Variants in TRIM32 observed in about 807,000 individuals in gnomAD.
The protein encoded by TRIM32 is E3 ubiquitin-protein ligase TRIM32.
A neutral mutation model predicts 36.0 loss-of-function variants in TRIM32; 19 were observed. That is an observed-to-expected ratio of 0.53 (90% CI 0.37 to 0.77). The LOEUF (loss-of-function observed/expected upper bound fraction) is 0.77. Among genes scored for constraint, TRIM32 ranks in the 30% least tolerant of loss-of-function variants. TRIM32 has a pLI of 0.00. For missense variants in TRIM32, 747 were observed against 845.2 expected (o/e 0.88, Z 1.44); for synonymous variants, 309 against 318.5 (o/e 0.97, Z 0.32).
chr9:116,694,479 T>TTTTTG (rs1860735960), intron 1 of TRIM32, among the ~76,000 whole-genome samples: 1 of 145,006 alleles, frequency 6.9e-6, no homozygotes, highest in African/African-American at 2.7e-5. Context: ...TTTTTTTTTT[T>TTTTTG]GAGATGGAGT....
At chr9:116,696,169 A>G (rs1346299530) in intron 1 of TRIM32, among the ~76,000 whole-genome samples, 1 of 152,062 alleles carries the variant, frequency 6.6e-6, no homozygotes, top group Non-Finnish European at 1.5e-5. Context: ...ACGCTCAAAA[A>G]TCTCATTTTG....
At chr9:116,688,642 C>CG (rs35041669) in intron 1 of TRIM32, among the ~76,000 whole-genome samples, 24,950 of 152,126 alleles carry the variant, frequency 0.16, 2,475 homozygotes, top group Non-Finnish European at 0.23. Flanking sequence ...ACCGGTCCCC[C>CG]GGCCCACTGA....
Position 116,698,597 on chromosome 9 carries a change from T to A in TRIM32, c.855T>A (p.His285Gln), listed in dbSNP as rs1290656615. The A allele has an allele frequency of 6.2e-7, 1 of 1,613,974 alleles. No homozygotes were observed. The highest frequency in any genetic ancestry group is 1.3e-5 in the African/African-American group (1 of 74,942). ...LQDVELLKVG[H>Q]VGPLQIGQAV... ...ATGTGGAGCTCCTTAAGGTAGGTCA[T>A]GTTGGCCCCCTCCAAATTGGACAAG... The change falls in exon 2 of 2, where the codon CAT becomes CAA. Residue 285 changes from histidine to glutamine, a missense_variant. Physicochemically the swap from His to Gln is conservative, Grantham distance 24 (BLOSUM62 0). Coordinates refer to ENST00000450136, the MANE Select transcript of TRIM32 (RefSeq NM_012210.4). This position sits in a 1 kb window ranked among gnomAD's most constrained non-coding sequence, Gnocchi z 4.4.
intron 1 of TRIM32, among the ~76,000 whole-genome samples, chr9:116,688,586 G>A (rs948954927): frequency 2.2e-4 from 33 of 152,134 alleles, no homozygotes; most frequent in African/African-American, 7.7e-4. Flanking sequence ...ACAAAGATCC[G>A]TTATCATGAG....
chr9:116,689,914 A>C (rs1343621424), intron 1 of TRIM32, among the ~76,000 whole-genome samples: 1 of 152,190 alleles, frequency 6.6e-6, no homozygotes, highest in Non-Finnish European at 1.5e-5. Flanking sequence ...GGCTGAAGGC[A>C]GTCATACTCT....
chr9:116,698,430 A>G lies in TRIM32; in HGVS notation c.688A>G (p.Ile230Val), dbSNP rs139113969. Residue 230 changes from isoleucine to valine, a missense_variant, in exon 2 of 2, where the codon ATT (isoleucine) becomes GTT (valine). Ile to Val is a conservative substitution (Grantham distance 29, BLOSUM62 3). Transcript: ENST00000450136. The surrounding 1 kb of genome is among the most constrained non-coding windows in gnomAD (Gnocchi z 4.4). ...AGAGGAGCAGAGTTACCTGCTTAAC[A>G]TTGCAGAGGTGCAGGCTGTGTCTCG... ...VVEEQSYLLN[I>V]AEVQAVSRCD... is the part of the protein sequence containing the mutation. 34 of 1,614,086 alleles carry G rather than the reference A, an allele frequency of 2.1e-5. No individual in the cohort carries two copies. The highest frequency in any genetic ancestry group is 3.3e-4 in the Middle Eastern group (2 of 6,046).
rs1228615020 is a variant in TRIM32, at chr9:116,698,568, C to T, written c.826C>T (p.Gln276Ter). 6.2e-7 allele frequency: 1 copy of T among 1,613,876 alleles called. No individual in the cohort carries two copies. Among genetic ancestry groups the T allele is most frequent in the African/African-American group, 1.3e-5 (1 of 74,912 alleles). The part of the protein sequence containing the change: ...TASLPRELTL[Q>*]DVELLKVGHV... ...CAGCTTGCCTCGGGAGCTCACCCTG[C>T]AAGATGTGGAGCTCCTTAAGGTAGG... Residue 276 changes from glutamine to a stop codon, truncating the protein, a stop_gained, in exon 2 of 2, where the codon CAA becomes TAA. Transcript: ENST00000450136. LOFTEE classifies it high-confidence loss of function. The surrounding 1 kb of genome is among the most constrained non-coding windows in gnomAD (Gnocchi z 4.4).
At chr9:116,688,227 C>T (rs1304308666) in intron 1 of TRIM32, among the ~76,000 whole-genome samples, 1 of 151,990 alleles carries the variant, frequency 6.6e-6, no homozygotes, top group Non-Finnish European at 1.5e-5. Context: ...TTGCAATATA[C>T]AGCCCCAAAG....
In TRIM32 at chr9:116,699,401, C is replaced by T. The variant is rs150318692; in HGVS notation, c.1659C>T (p.Gly553=). The T allele has an allele frequency of 2.5e-6, 4 of 1,614,168 alleles. No homozygotes were observed. The highest frequency in any genetic ancestry group is 1.1e-5 in the South Asian group (1 of 91,072). ...EHHLEGGFSI[G]SVGPDGQLGR... is the part of the protein sequence containing the mutation. ...ACCTGGAGGGTGGCTTTTCCATTGG[C>T]TCTGTAGGCCCTGATGGGCAGCTGG... Residue 553 remains glycine, a synonymous_variant, in exon 2 of 2, where the codon GGC becomes GGT. Transcript: ENST00000450136. This position sits in a 1 kb window ranked among gnomAD's most constrained non-coding sequence, Gnocchi z 4.2.
rs761684552 is a variant in TRIM32, at chr9:116,699,567, A to G, written c.1825A>G (p.Ser609Gly). Residue 609 changes from serine (S) to glycine (G), a missense_variant, in exon 2 of 2, where the codon AGT (serine) becomes GGT (glycine). By Grantham distance (56) the Ser-to-Gly change is moderately conservative. Transcript: ENST00000450136. The surrounding 1 kb of genome is among the most constrained non-coding windows in gnomAD (Gnocchi z 4.2). ...ILHFPKGGGY[S>G]VLIREGLTCP... is the part of the protein sequence containing the mutation. The stretch of plus-strand genomic sequence containing the variant: ...CCATTTTCCTAAGGGTGGGGGCTAT[A>G]GTGTCCTTATTCGAGAGGGACTTAC... The G allele has an allele frequency of 3.7e-6, 6 of 1,614,070 alleles. No individual in the cohort carries two copies. Among genetic ancestry groups the G allele is most frequent in the African/African-American group, 1.3e-5 (1 of 74,928 alleles).
Position 116,698,788 on chromosome 9 carries a change from C to G in TRIM32, c.1046C>G (p.Ala349Gly), listed in dbSNP as rs774316527. 71 of 1,614,014 alleles carry G rather than the reference C, an allele frequency of 4.4e-5. No homozygotes were observed. The South Asian group carries it at 6.7e-4, about 15-fold the overall frequency. Residue 349 changes from alanine (A) to glycine (G), a missense_variant, in exon 2 of 2, where the codon GCC (alanine) becomes GGC (glycine). Physicochemically the swap from Ala to Gly is moderately conservative, Grantham distance 60. Coordinates refer to ENST00000450136, the MANE Select transcript of TRIM32 (RefSeq NM_012210.4). The surrounding 1 kb of genome is among the most constrained non-coding windows in gnomAD (Gnocchi z 4.4). ...SPAKQRGPEA[A>G]SNIQQCLFLK... is the part of the protein sequence containing the mutation. ...GCTAAACAGCGGGGTCCTGAGGCAG[C>G]CTCCAATATCCAGCAGTGCCTCTTT...
chr9:116,694,547 G>A (rs1453665736), intron 1 of TRIM32, among the ~76,000 whole-genome samples: 6 of 136,896 alleles, frequency 4.4e-5, no homozygotes, highest in Admixed American at 8.2e-5. Context: ...TGCAAGCTCC[G>A]CCTCCCAGGT....
intron 1 of TRIM32, among the ~76,000 whole-genome samples, chr9:116,692,148 TAGGTAA>T (rs1226889925): frequency 1.3e-5 from 2 of 152,218 alleles, no homozygotes; most frequent in East Asian, 3.9e-4. Flanking sequence ...AAGGCTGATA[TAGGTAA>T]AGGAAATGGA....
rs866695848 is a variant in TRIM32 at position 116,699,499 on chromosome 9, G to C, written c.1757G>C (p.Arg586Pro). 3.7e-6 allele frequency: 6 copies of C among 1,613,980 alleles called. No homozygotes were observed. The highest frequency in any genetic ancestry group is 2.2e-5 in the South Asian group (2 of 91,070). Residue 586 changes from arginine to proline, a missense_variant, in exon 2 of 2, where the codon CGT becomes CCT. Coordinates refer to ENST00000450136, the MANE Select transcript of TRIM32 (RefSeq NM_012210.4). This position sits in a 1 kb window ranked among gnomAD's most constrained non-coding sequence, Gnocchi z 4.2. ...RCIAGMCVDARGDLIVADSSR... is the reference protein window; with the variant it reads ...RCIAGMCVDAPGDLIVADSSR... ...ATTGCTGGCATGTGTGTGGATGCTC[G>C]TGGTGATCTCATCGTGGCTGACAGT...
intron 1 of TRIM32, among the ~76,000 whole-genome samples, chr9:116,696,074 T>G (rs1300577734): frequency 6.6e-6 from 1 of 152,140 alleles, no homozygotes; most frequent in Admixed American, 6.5e-5. Context: ...CCGTCTTCTC[T>G]GATGTTTCCC....
chr9:116,695,921 G>C (rs1221063715), intron 1 of TRIM32, among the ~76,000 whole-genome samples: 1 of 152,158 alleles, frequency 6.6e-6, no homozygotes, highest in Non-Finnish European at 1.5e-5. Flanking sequence ...CTAGGCTTGA[G>C]TCTTTGGCTA....
chr9:116,690,841 T>C (rs1860530215), intron 1 of TRIM32, among the ~76,000 whole-genome samples: 1 of 152,202 alleles, frequency 6.6e-6, no homozygotes, highest in African/African-American at 2.4e-5. Flanking sequence ...AAAAAATGCC[T>C]GACAATAAAT....
chr9:116,690,202 T>G (rs1860496760), intron 1 of TRIM32, among the ~76,000 whole-genome samples: 1 of 152,238 alleles, frequency 6.6e-6, no homozygotes, highest in East Asian at 1.9e-4. Context: ...TCAGCCTCAA[T>G]CTATTAAAAA....
intron 1 of TRIM32, among the ~76,000 whole-genome samples, chr9:116,690,231 G>A (rs1305003718): frequency 1.3e-5 from 2 of 152,174 alleles, no homozygotes; most frequent in African/African-American, 4.8e-5. Flanking sequence ...ATTATAATTT[G>A]TTGAGTGCTT....
Sources: allele counts gnomAD v4.1 joint callset (sites outside exome capture counted in the v4.1 genomes callset), GRCh38; gene constraint gnomAD v4.1.1; non-coding constraint Gnocchi (gnomAD v3.1); transcripts MANE v1.5; gene names NCBI Gene and HGNC (gene_info 2026-07-23, HGNC 2026-07-21).